Variants in MAGI2 observed in about 807,000 individuals in gnomAD.
MAGI2 encodes membrane-associated guanylate kinase, WW and PDZ domain-containing protein 2.
MAGI2 carries 35 observed loss-of-function variants against 133.3 expected under a neutral mutation model. The observed-to-expected ratio is 0.26, with a 90% CI of 0.20 to 0.35. The LOEUF is 0.35. MAGI2 is among the 10% of genes least tolerant of loss of function. MAGI2 has a pLI of 1.00. For synonymous variants in MAGI2, 729 were observed against 710.6 expected (o/e 1.03, Z -0.41); for missense variants, 1,636 against 1,863.4 (o/e 0.88, Z 2.25).
chr7:78,057,977 GTATATATA>G lies in MAGI2; in HGVS notation c.3706+20962_3706+20969del, dbSNP rs58788674. ...CCCCTCTGGCATTTTATATATATGT[GTATATATA>G]TATATATATATATATATATGTATGA... On this transcript the variant is annotated intron_variant, in intron 21 of 21. Coordinates refer to ENST00000354212, the MANE Select transcript of MAGI2 (RefSeq NM_012301.4). Among the ~76,000 whole-genome samples, 89 of 106,610 alleles carry G rather than the reference GTATATATA, an allele frequency of 8.3e-4. 12 individuals are homozygous for G. Among genetic ancestry groups the G allele is most frequent in the African/African-American group, 1.2e-3 (37 of 29,762 alleles). The allele number at this position is 106,610 out of a possible 152,430, so 69.9% of individuals were successfully genotyped here.
intron 2 of MAGI2, among the ~76,000 whole-genome samples, chr7:78,754,243 T>G (rs1037856455): frequency 6.6e-6 from 1 of 151,872 alleles, no homozygotes; most frequent in African/African-American, 2.4e-5. Flanking sequence ...TGGTGGTTCA[T>G]GCCTGTGGTC....
intron 21 of MAGI2, among the ~76,000 whole-genome samples, chr7:78,051,645 C>T (rs550910574): frequency 1.2e-4 from 19 of 152,194 alleles, no homozygotes; most frequent in African/African-American, 3.4e-4. Flanking sequence ...AGTGCAGTGG[C>T]GCGATCTTGG....
intron 20 of MAGI2, among the ~76,000 whole-genome samples, chr7:78,103,987 A>G (rs1818427312): frequency 6.6e-6 from 1 of 152,226 alleles, no homozygotes; most frequent in African/African-American, 2.4e-5. Context: ...ATGATTTGTG[A>G]TATCTGAGCT....
At chr7:78,659,362 T>TTGCAG (rs1021952550) in intron 2 of MAGI2, among the ~76,000 whole-genome samples, 3 of 137,396 alleles carry the variant, frequency 2.2e-5, no homozygotes, top group Admixed American at 8.2e-5. Context: ...GAGGTGAAGG[T>TTGCAG]TGCAGTGAGC....
chr7:79,139,290 T>G (rs902109611), intron 1 of MAGI2, among the ~76,000 whole-genome samples: 4 of 152,240 alleles, frequency 2.6e-5, no homozygotes, highest in African/African-American at 9.6e-5. Context: ...AGTTAGGATT[T>G]CCATTACCTG....
chr7:78,996,109 G>C (rs1278219679), intron 2 of MAGI2, among the ~76,000 whole-genome samples: 1 of 152,130 alleles, frequency 6.6e-6, no homozygotes, highest in Non-Finnish European at 1.5e-5. Flanking sequence ...CCTGGCTGGA[G>C]ACCCACCAAC....
At position 78,272,072 on chromosome 7, in the gene MAGI2, C is replaced by T. The variant is rs527576619; in HGVS notation, c.1409-15491G>A. 2.5e-4 allele frequency among the ~76,000 whole-genome samples: 38 copies of T among 152,140 alleles called. No homozygotes were observed. In the South Asian group the frequency reaches 3.1e-3, roughly 12 times the overall value. ...TTTAGATCTTTCTTGCTTTCTCTTG[C>T]GGGCATTTAGTGTTATAAATTTCCC... On this transcript the variant is annotated intron_variant, in intron 9 of 21. Coordinates refer to ENST00000354212, the MANE Select transcript of MAGI2 (RefSeq NM_012301.4).
Position 78,149,516 on chromosome 7 carries a change from A to C in MAGI2, c.2845+10509T>G, listed in dbSNP as rs73703704. 1.2e-3 allele frequency among the ~76,000 whole-genome samples: 186 copies of C among 152,232 alleles called. 1 individual carries two copies. Among genetic ancestry groups the C allele is most frequent in the African/African-American group, 4.4e-3 (182 of 41,562 alleles). The stretch of plus-strand genomic sequence containing the variant: ...GTGATTAATTTGGCACCCAGGTTTT[A>C]TTGTATTTCAATTTTGTCAAGCGTC... On this transcript the variant is annotated intron_variant, in intron 16 of 21. Coordinates refer to ENST00000354212, the MANE Select transcript of MAGI2 (RefSeq NM_012301.4).
intron 2 of MAGI2, among the ~76,000 whole-genome samples, chr7:78,653,724 A>G (rs913701738): frequency 4.0e-5 from 6 of 151,030 alleles, no homozygotes; most frequent in Non-Finnish European, 7.4e-5. Flanking sequence ...GTGTACACCT[A>G]TGTAATAAAC....
At chr7:78,511,549 A>ATAT (rs1554448965) in intron 4 of MAGI2, among the ~76,000 whole-genome samples, 81 of 95,992 alleles carry the variant, frequency 8.4e-4, no homozygotes, top group African/African-American at 2.8e-3. Flanking sequence ...ATATATATAT[A>ATAT]AATTTTTTTT....
chr7:78,913,017 G>T (rs1013838293), intron 2 of MAGI2, among the ~76,000 whole-genome samples: 6 of 151,852 alleles, frequency 4.0e-5, no homozygotes, highest in African/African-American at 1.5e-4. Flanking sequence ...CTGAAGCAGA[G>T]GGAACAGCTG....
intron 1 of MAGI2, among the ~76,000 whole-genome samples, chr7:79,282,037 G>A (rs1459115386): frequency 6.6e-6 from 1 of 152,076 alleles, no homozygotes; most frequent in Non-Finnish European, 1.5e-5. Flanking sequence ...TTAGAAATCT[G>A]TGTGAAGAAA....
chr7:78,108,622 TTC>T (rs879731462), intron 20 of MAGI2, among the ~76,000 whole-genome samples: 91 of 135,896 alleles, frequency 6.7e-4, no homozygotes, highest in African/African-American at 1.0e-3. Context: ...CTCTCTCTCA[TTC>T]TCTCTCTCTC....
intron 2 of MAGI2, among the ~76,000 whole-genome samples, chr7:78,840,527 A>G (rs1792041480): frequency 6.6e-6 from 1 of 152,026 alleles, no homozygotes; most frequent in African/African-American, 2.4e-5. Flanking sequence ...ACCACACTTT[A>G]TGTGGAGTCC....
chr7:78,160,586 T>C (rs1824874637), intron 15 of MAGI2, among the ~76,000 whole-genome samples: 1 of 152,194 alleles, frequency 6.6e-6, no homozygotes, highest in African/African-American at 2.4e-5. Context: ...TTTTAGATAT[T>C]GAGGTTCTTC....
chr7:78,461,906 A>T, intron 6 of MAGI2, among the ~76,000 whole-genome samples: 1 of 141,752 alleles, frequency 7.1e-6, no homozygotes, highest in Non-Finnish European at 1.5e-5. Context: ...AGCAAAGCAA[A>T]ATTCCGTCTC....
chr7:78,072,295 G>A lies in MAGI2; in HGVS notation c.3706+6652C>T, dbSNP rs191705281. ...GATTCTTAACACTCTAGAAGTACTT[G>A]TTAAATTCTACAAATAATTAATAAA... On this transcript the variant is annotated intron_variant, in intron 21 of 21. Coordinates refer to ENST00000354212, the MANE Select transcript of MAGI2 (RefSeq NM_012301.4). 2.5e-3 allele frequency among the ~76,000 whole-genome samples: 380 copies of A among 152,296 alleles called. 2 individuals carry two copies. Among genetic ancestry groups the A allele is most frequent in the Middle Eastern group, 0.01 (3 of 294 alleles).
rs533395443 is a variant in MAGI2, at chr7:79,399,178, T to A, written c.301+53842A>T. The stretch of plus-strand genomic sequence containing the variant: ...GGCACAATCTTGGCTCACTGCAAAC[T>A]CTGCCTCCCCGGTTCAGGCAATTCT... On this transcript the variant is annotated intron_variant, in intron 1 of 21. Coordinates refer to ENST00000354212, the MANE Select transcript of MAGI2 (RefSeq NM_012301.4). 2.1e-3 allele frequency among the ~76,000 whole-genome samples: 305 copies of A among 148,108 alleles called. 1 individual carries two copies. The highest frequency in any genetic ancestry group is 0.02 in the South Asian group (91 of 4,610).
intron 5 of MAGI2, among the ~76,000 whole-genome samples, chr7:78,499,077 A>G (rs1395294577): frequency 6.6e-6 from 1 of 151,974 alleles, no homozygotes; most frequent in Non-Finnish European, 1.5e-5. Flanking sequence ...CAACAACAAC[A>G]ACAACAACAA....
Sources: allele counts gnomAD v4.1 joint callset (sites outside exome capture counted in the v4.1 genomes callset), GRCh38; gene constraint gnomAD v4.1.1; transcripts MANE v1.5; gene names NCBI Gene and HGNC (gene_info 2026-07-23, HGNC 2026-07-21).